VPS13C: variants seen among roughly 807,000 people sequenced by gnomAD.
The protein encoded by VPS13C is vacuolar protein sorting 13 homolog C, also known as intermembrane lipid transfer protein VPS13C.
A neutral mutation model predicts 456.8 loss-of-function variants in VPS13C; 358 were observed. The observed-to-expected ratio is 0.78, with a 90% CI of 0.72 to 0.86. The LOEUF is 0.86. Ranked by LOEUF, VPS13C falls within the 40% of genes least tolerant of loss-of-function variation. The pLI is 0.00. For synonymous variants in VPS13C, 1,578 were observed against 1,486.7 expected (o/e 1.06, Z -1.41); for missense variants, 4,818 against 4,385.4 (o/e 1.10, Z -2.79).
At chr15:61,965,983 T>G in intron 30 of VPS13C, 100 bp downstream of exon 30, 1 of 744,514 alleles carries the variant, frequency 1.3e-6, no homozygotes, top group Non-Finnish European at 2.1e-6. Context: ...TCCTTGATTA[T>G]GTCATCAAAT....
rs149574145 is a variant in VPS13C at position 61,868,703 on chromosome 15, G to A, written c.10819C>T (p.Arg3607Cys). The A allele has an allele frequency of 9.4e-5, 152 of 1,613,936 alleles. No individual in the cohort carries two copies. Among genetic ancestry groups the A allele is most frequent in the Middle Eastern group, 1.6e-4 (1 of 6,084 alleles). Residue 3607 changes from arginine (R) to cysteine (C), a missense_variant, in exon 81 of 85, where the codon CGT becomes TGT. This residue lies in a region of VPS13C where 261 missense variants were observed against 234.1 expected (regional missense o/e 1.11). Coordinates refer to ENST00000644861, the MANE Select transcript of VPS13C (RefSeq NM_020821.3). The stretch of plus-strand genomic sequence containing the variant: ...TCAGATTCCTGTCTGTCATAAGGAC[G>A]AATGATGCCATCTTCATGGATCAGG... ...PRLIHEDGIIRPYDRQESEGS... is the reference protein window; with the variant it reads ...PRLIHEDGIICPYDRQESEGS...
intron 15 of VPS13C, among the ~76,000 whole-genome samples, chr15:62,005,828 G>T (rs564368773): frequency 6.6e-6 from 1 of 151,502 alleles, no homozygotes; most frequent in Admixed American, 6.6e-5. Context: ...TCAGCCTCCC[G>T]AGTAACTGGG....
intron 45 of VPS13C, among the ~76,000 whole-genome samples, chr15:61,942,929 C>T (rs1373880932): frequency 6.6e-6 from 1 of 151,946 alleles, no homozygotes; most frequent in African/African-American, 2.4e-5. Context: ...TTTCAGGATA[C>T]AAAATCAATG....
chr15:62,056,365 A>G (rs911004247), intron 1 of VPS13C, among the ~76,000 whole-genome samples: 1 of 152,218 alleles, frequency 6.6e-6, no homozygotes, highest in Non-Finnish European at 1.5e-5. Flanking sequence ...CCATACAGAG[A>G]TAGGAGCTGA....
Position 61,864,422 on chromosome 15 carries a change from T to A in VPS13C, c.10864-894A>T, listed in dbSNP as rs1380782456. On this transcript the variant is annotated intron_variant, in intron 81 of 84. Coordinates refer to ENST00000644861, the MANE Select transcript of VPS13C (RefSeq NM_020821.3). ...TATAATGAATGCTAATGAAATACTA[T>A]TACTGACATTATATATAATGCATGG... 3 of 870,514 alleles carry A rather than the reference T, an allele frequency of 3.4e-6. No individual in the cohort carries two copies. In the African/African-American group the frequency reaches 5.5e-5, roughly 16 times the overall value. The allele number at this position is 870,514 out of a possible 1,614,324, so 53.9% of individuals were successfully genotyped here.
intron 9 of VPS13C, among the ~76,000 whole-genome samples, chr15:62,020,070 C>T (rs773072873): frequency 9.9e-5 from 15 of 150,964 alleles, no homozygotes; most frequent in Non-Finnish European, 1.5e-4. Flanking sequence ...AATTAATTTA[C>T]ATATTGCCCA....
intron 18 of VPS13C, among the ~76,000 whole-genome samples, chr15:61,985,516 C>T (rs1326050442): frequency 6.6e-6 from 1 of 152,176 alleles, no homozygotes; most frequent in African/African-American, 2.4e-5. Context: ...CTCAGCCTCC[C>T]AGAGTGCTAG....
intron 37 of VPS13C, among the ~76,000 whole-genome samples, chr15:61,954,895 C>T (rs926842850): frequency 1.3e-5 from 2 of 152,216 alleles, no homozygotes; most frequent in East Asian, 3.9e-4. Flanking sequence ...AAAGGACCTC[C>T]TCACACGGTG....
intron 27 of VPS13C, among the ~76,000 whole-genome samples, 198 bp downstream of exon 27, chr15:61,972,427 G>A (rs1261775671): frequency 6.6e-6 from 1 of 152,036 alleles, no homozygotes; most frequent in African/African-American, 2.4e-5. Flanking sequence ...TTTTTTAAAA[G>A]CATTTCATTG....
At chr15:61,940,258 G>T (rs1474209951) in intron 47 of VPS13C, among the ~76,000 whole-genome samples, 1 of 152,028 alleles carries the variant, frequency 6.6e-6, no homozygotes, top group African/African-American at 2.4e-5. Context: ...CAATTTAACT[G>T]CATTAAAACT....
chr15:61,881,452 G>T, intron 71 of VPS13C, 111 bp downstream of exon 71: 1 of 1,101,364 alleles, frequency 9.1e-7, no homozygotes, highest in Non-Finnish European at 1.3e-6. Context: ...AATAGGTTCA[G>T]CTGGAAAATA....
intron 15 of VPS13C, among the ~76,000 whole-genome samples, chr15:62,004,011 G>T (rs1439044502): frequency 6.6e-6 from 1 of 151,800 alleles, no homozygotes; most frequent in Non-Finnish European, 1.5e-5. Flanking sequence ...CCAGGCTTTG[G>T]TATCAGGATG....
intron 10 of VPS13C, 146 bp from the exon 11 acceptor site, chr15:62,013,265 G>A (rs1411663958): frequency 1.5e-5 from 8 of 520,410 alleles, no homozygotes; most frequent in African/African-American, 1.4e-4. Flanking sequence ...ATAAAAATGA[G>A]GGGAAAATAT....
chr15:62,023,387 A>G (rs778890586), intron 8 of VPS13C, 24 bp downstream of exon 8: 1 of 1,276,362 alleles, frequency 7.8e-7, no homozygotes, highest in South Asian at 1.5e-5. Context: ...TTAATTATTA[A>G]CTGAGTAAAT....
chr15:61,950,369 G>A lies in VPS13C; in HGVS notation c.4585C>T (p.Gln1529Ter). Residue 1529 changes from glutamine to a stop codon, truncating the protein, a stop_gained, in exon 41 of 85, where the codon CAG (glutamine) becomes TAG (stop). Coordinates refer to ENST00000644861, the MANE Select transcript of VPS13C (RefSeq NM_020821.3). LOFTEE classifies it high-confidence loss of function. Reference sequence around the variant, plus strand: ...TATAAAAGTTTTACCTTCAGTCTCTGTTTGGTACTGTCATGAATAGTTTTA... The same window carrying A: ...TATAAAAGTTTTACCTTCAGTCTCTATTTGGTACTGTCATGAATAGTTTTA... ...EFKTIHDSTK[Q>*]RLKVSFASLD... 1 of 1,611,684 alleles carries A rather than the reference G, an allele frequency of 6.2e-7. No individual in the cohort carries two copies. The highest frequency in any genetic ancestry group is 8.5e-7 in the Non-Finnish European group (1 of 1,178,364).
chr15:62,053,560 A>G (rs1338146775), intron 1 of VPS13C, among the ~76,000 whole-genome samples: 1 of 152,248 alleles, frequency 6.6e-6, no homozygotes, highest in East Asian at 1.9e-4. Flanking sequence ...CCACTCATCC[A>G]ATGAAGGATC....
chr15:62,012,988 A>C, intron 11 of VPS13C, 51 bp downstream of exon 11: 1 of 1,444,420 alleles, frequency 6.9e-7, no homozygotes, highest in Non-Finnish European at 9.6e-7. Flanking sequence ...ATATTAAACA[A>C]ATTTAGGGAT....
At position 61,890,362 on chromosome 15, in the gene VPS13C, C is replaced by A. The variant is rs937680428; in HGVS notation, c.9144G>T (p.Gln3048His). 1.9e-6 allele frequency: 3 copies of A among 1,613,928 alleles called. No individual in the cohort carries two copies. Among genetic ancestry groups the A allele is most frequent in the South Asian group, 2.2e-5 (2 of 91,068 alleles). ...CATCCAGAAATGATACCCAGTGTAT[C>A]TGGATGTTTGCATCATATGGAAACT... ...CGQFPYDANI[Q>H]IHWVSFLDGR... Residue 3048 changes from glutamine to histidine, a missense_variant, in exon 67 of 85, where the codon CAG (glutamine) becomes CAT (histidine). Physicochemically the swap from Gln to His is conservative, Grantham distance 24. Coordinates refer to ENST00000644861, the MANE Select transcript of VPS13C (RefSeq NM_020821.3).
At chr15:62,023,178 C>A (rs1251770671) in intron 8 of VPS13C, among the ~76,000 whole-genome samples, 1 of 151,684 alleles carries the variant, frequency 6.6e-6, no homozygotes, top group Non-Finnish European at 1.5e-5. Flanking sequence ...AGAAGACAAT[C>A]CAAAAACCTC....
Sources: gnomAD v4.1 joint callset for allele counts (sites outside exome capture counted in the v4.1 genomes callset) on GRCh38, gnomAD v4.1.1 for gene constraint, gnomAD v4.1.1 regional missense constraint, MANE v1.5 for transcripts, NCBI Gene and HGNC (gene_info 2026-07-23, HGNC 2026-07-21) for gene names.